Variants in FAT3 observed in about 807,000 individuals in gnomAD.
FAT3 encodes the protein protocadherin Fat 3.
Under a neutral mutation model 310.2 loss-of-function variants are expected in FAT3, and 95 were observed. The observed-to-expected ratio is 0.31, with a 90% CI of 0.26 to 0.36. The LOEUF (loss-of-function observed/expected upper bound fraction) is 0.36. Ranked by LOEUF, FAT3 falls within the 10% of genes least tolerant of loss-of-function variation. The pLI, the probability that FAT3 is intolerant of heterozygous loss-of-function variation, is 1.00. For synonymous variants in FAT3, 2,314 were observed against 2,192.9 expected (o/e 1.06, Z -1.54); for missense variants, 5,408 against 5,715.6 (o/e 0.95, Z 1.74).
chr11:92,631,671 A>G lies in FAT3; in HGVS notation c.3608-65713A>G, dbSNP rs563281153. Among the ~76,000 whole-genome samples, 248 of 152,266 alleles carry G rather than the reference A, an allele frequency of 1.6e-3. 2 individuals carry two copies. The highest frequency in any genetic ancestry group is 6.5e-4 in the Non-Finnish European group (44 of 68,014). On this transcript the variant is annotated intron_variant, in intron 3 of 27. Coordinates refer to ENST00000525166, the MANE Select transcript of FAT3 (RefSeq NM_001367949.2). ...ATTAAACCCGTTTTCTTTATAAATT[A>G]CCCAGTGTCAGGTATTTCTTTATAG...
chr11:92,580,348 T>C (rs1370635599), intron 3 of FAT3, among the ~76,000 whole-genome samples: 2 of 151,988 alleles, frequency 1.3e-5, no homozygotes, highest in South Asian at 2.1e-4. Flanking sequence ...ATTATGTATG[T>C]TTGAAATGTT....
Position 92,890,618 on chromosome 11 carries a change from T to A in FAT3, c.13275T>A (p.Asp4425Glu), listed in dbSNP as rs2136444017. 1 of 1,613,716 alleles carries A rather than the reference T, an allele frequency of 6.2e-7. No homozygotes were observed. The highest frequency in any genetic ancestry group is 8.5e-7 in the Non-Finnish European group (1 of 1,179,830). The change falls in exon 28 of 28, where the codon GAT becomes GAA. Residue 4425 changes from aspartate to glutamate, a missense_variant. By Grantham distance (45) the Asp-to-Glu change is conservative. Transcript: ENST00000525166. ...HQGSTRELES[D>E]YYLGGYDIDS... is the part of the protein sequence containing the mutation. Reference sequence around the variant, plus strand: ...GGAGCACACGGGAGCTGGAGAGCGATTACTACCTGGGTGGTTATGACATTG... The same window carrying A: ...GGAGCACACGGGAGCTGGAGAGCGAATACTACCTGGGTGGTTATGACATTG...
chr11:92,660,179 T>A (rs1316551428), intron 3 of FAT3, among the ~76,000 whole-genome samples: 1 of 151,926 alleles, frequency 6.6e-6, no homozygotes, highest in Non-Finnish European at 1.5e-5. Flanking sequence ...GCAACATTTG[T>A]TTATTATTTA....
At chr11:92,496,318 C>G (rs895888036) in intron 2 of FAT3, among the ~76,000 whole-genome samples, 8 of 151,934 alleles carry the variant, frequency 5.3e-5, no homozygotes, top group African/African-American at 1.9e-4. Context: ...TGTCATAAAC[C>G]TTCTCCATCT....
chr11:92,567,826 A>G (rs559144), intron 3 of FAT3, among the ~76,000 whole-genome samples: 58,741 of 150,438 alleles, frequency 0.39, 12,159 homozygotes, highest in Middle Eastern at 0.53. Context: ...CATAGGTGGG[A>G]ATTGAACAAT....
intron 1 of FAT3, among the ~76,000 whole-genome samples, chr11:92,315,512 T>TGGAGAGAGAG (rs879699767): frequency 1.8e-5 from 1 of 56,170 alleles, no homozygotes; most frequent in South Asian, 9.6e-4. Context: ...TATATATATA[T>TGGAGAGAGAG]AGAGAGAGAG....
chr11:92,419,902 C>T (rs926119231), intron 2 of FAT3, among the ~76,000 whole-genome samples: 5 of 152,108 alleles, frequency 3.3e-5, no homozygotes, highest in African/African-American at 1.2e-4. Flanking sequence ...AGAGGATAAC[C>T]TTTTAACCTC....
chr11:92,600,672 T>C (rs517234), intron 3 of FAT3, among the ~76,000 whole-genome samples: 83,377 of 152,024 alleles, frequency 0.55, 23,937 homozygotes, highest in African/African-American at 0.72. Context: ...TGTGCTTTGA[T>C]GGAACATGTA....
chr11:92,732,463 A>G (rs943887015), intron 4 of FAT3, among the ~76,000 whole-genome samples: 3 of 152,188 alleles, frequency 2.0e-5, no homozygotes, highest in African/African-American at 7.2e-5. Context: ...TGAATAAGAT[A>G]TTGCTTATAC....
intron 2 of FAT3, among the ~76,000 whole-genome samples, chr11:92,394,996 A>C (rs1949835446): frequency 6.6e-6 from 1 of 152,208 alleles, no homozygotes; most frequent in Non-Finnish European, 1.5e-5. Flanking sequence ...CTAGGAGAGT[A>C]ACTGGTATAT....
intron 3 of FAT3, among the ~76,000 whole-genome samples, chr11:92,645,572 A>T (rs544622863): frequency 6.6e-6 from 1 of 150,732 alleles, no homozygotes; most frequent in African/African-American, 2.4e-5. Context: ...TCTCTGGCTT[A>T]TCTGACTTGT....
chr11:92,364,994 T>G (rs1458467970), intron 2 of FAT3, among the ~76,000 whole-genome samples: 2 of 152,218 alleles, frequency 1.3e-5, no homozygotes, highest in East Asian at 3.8e-4. Flanking sequence ...GCACAGCAGC[T>G]CATGCCTATA....
chr11:92,874,625 C>T (rs1021107937), intron 22 of FAT3, among the ~76,000 whole-genome samples: 3 of 152,172 alleles, frequency 2.0e-5, no homozygotes, highest in Admixed American at 6.5e-5. Flanking sequence ...CCACAACCTC[C>T]GCCTCCTGGA....
chr11:92,434,905 C>A (rs1950890520), intron 2 of FAT3, among the ~76,000 whole-genome samples: 1 of 152,092 alleles, frequency 6.6e-6, no homozygotes, highest in Non-Finnish European at 1.5e-5. Context: ...CTCTGTCATG[C>A]TGAATGTGTA....
At chr11:92,380,528 A>C (rs1319939617) in intron 2 of FAT3, among the ~76,000 whole-genome samples, 1 of 152,188 alleles carries the variant, frequency 6.6e-6, no homozygotes. Flanking sequence ...CCTTCATAGT[A>C]ACACTGTGAG....
At chr11:92,776,625 A>G (rs1032030949) in intron 7 of FAT3, among the ~76,000 whole-genome samples, 2 of 152,168 alleles carry the variant, frequency 1.3e-5, no homozygotes, top group Non-Finnish European at 2.9e-5. Context: ...ATTTGTGGCT[A>G]GTATACAGTT....
At chr11:92,631,251 A>T (rs1349344580) in intron 3 of FAT3, among the ~76,000 whole-genome samples, 1 of 152,176 alleles carries the variant, frequency 6.6e-6, no homozygotes, top group East Asian at 1.9e-4. Context: ...GGTGAATTAT[A>T]GGCATTGTCA....
chr11:92,770,513 G>A (rs1009922317), intron 6 of FAT3, among the ~76,000 whole-genome samples: 26 of 152,020 alleles, frequency 1.7e-4, no homozygotes, highest in Admixed American at 6.5e-4. Flanking sequence ...TCTTAAGTTC[G>A]GTGTACATGC....
intron 2 of FAT3, among the ~76,000 whole-genome samples, chr11:92,398,336 A>G (rs1949928393): frequency 1.3e-5 from 2 of 152,030 alleles, no homozygotes; most frequent in African/African-American, 4.8e-5. Context: ...CTCCGTCTCT[A>G]CTAAAAGTAC....
Sources: allele counts gnomAD v4.1 joint callset (sites outside exome capture counted in the v4.1 genomes callset), GRCh38; gene constraint gnomAD v4.1.1; transcripts MANE v1.5; gene names NCBI Gene and HGNC (gene_info 2026-07-23, HGNC 2026-07-21).